POLR3A: variants seen among roughly 807,000 people sequenced by gnomAD.
POLR3A encodes RNA polymerase III subunit A, also known as DNA-directed RNA polymerase III subunit RPC1.
POLR3A carries 112 observed loss-of-function variants against 152.8 expected under a neutral mutation model. The ratio of observed to expected loss-of-function variants is 0.73; its 90% CI spans 0.63 to 0.86. The LOEUF is 0.86. Among genes scored for constraint, POLR3A ranks in the 40% least tolerant of loss-of-function variants. The pLI is 0.00. For synonymous variants in POLR3A, 615 were observed against 652.1 expected (o/e 0.94, Z 0.87); for missense variants, 1,385 against 1,743.1 (o/e 0.79, Z 3.66).
chr10:77,980,310 A>G (rs768918705), intron 29 of POLR3A, 37 bp from the exon 30 acceptor site: 1 of 1,610,686 alleles, frequency 6.2e-7, no homozygotes, highest in East Asian at 2.2e-5. Flanking sequence ...TGGTACTCAC[A>G]CCAATGGCAA....
At chr10:77,986,293 C>A in intron 21 of POLR3A, 134 bp from the exon 22 acceptor site, 2 of 711,614 alleles carry the variant, frequency 2.8e-6, no homozygotes, top group South Asian at 1.5e-5. Flanking sequence ...GTATAAAGGA[C>A]CCAATCTGGA....
In POLR3A at chr10:77,977,413, C is replaced by CT. The variant is rs1012335882; in HGVS notation, c.*64dup. 46 of 1,574,416 alleles carry CT rather than the reference C, an allele frequency of 2.9e-5. No individual in the cohort carries two copies. The Admixed American group carries it at 7.5e-4, about 26-fold the overall frequency. Reference sequence around the variant, plus strand: ...CCCCCGTCCCAGGGAGCACAAAACTCTTTATACATCAGCTGGAGACAGGAC... The same window carrying CT: ...CCCCCGTCCCAGGGAGCACAAAACTCTTTTATACATCAGCTGGAGACAGGAC... On this transcript the variant is annotated 3_prime_UTR_variant, in exon 31 of 31. Transcript: ENST00000372371.
intron 24 of POLR3A, among the ~76,000 whole-genome samples, 190 bp from the exon 25 acceptor site, chr10:77,984,488 C>T (rs1223121210): frequency 2.0e-5 from 3 of 152,144 alleles, no homozygotes; most frequent in Admixed American, 6.5e-5. Flanking sequence ...GGACTACAGG[C>T]GCTCGCCACC....
At chr10:78,009,823 A>G (rs761748325) in intron 13 of POLR3A, 41 bp downstream of exon 13, 24 of 1,612,036 alleles carry the variant, frequency 1.5e-5, no homozygotes, top group Non-Finnish European at 1.9e-5. Context: ...CCACAGACAC[A>G]TACACACACC....
At chr10:77,996,923 G>A (rs1273222601) in intron 19 of POLR3A, among the ~76,000 whole-genome samples, 1 of 152,086 alleles carries the variant, frequency 6.6e-6, no homozygotes, top group Non-Finnish European at 1.5e-5. Flanking sequence ...ATAAAATACT[G>A]GCAAACCGAA....
intron 15 of POLR3A, among the ~76,000 whole-genome samples, chr10:78,007,012 C>A (rs977550213): frequency 6.6e-6 from 1 of 151,786 alleles, no homozygotes; most frequent in Non-Finnish European, 1.5e-5. Context: ...CGAGAGGCTG[C>A]GTGAGCCAAG....
rs762615091 is a variant in POLR3A, at chr10:77,985,888, C to T, written c.3071+15G>A. The T allele has an allele frequency of 1.2e-5, 19 of 1,605,352 alleles. No individual in the cohort carries two copies. Among genetic ancestry groups the T allele is most frequent in the Non-Finnish European group, 1.5e-5 (18 of 1,172,146 alleles). On this transcript the variant is annotated intron_variant, in intron 23 of 30. Transcript: ENST00000372371. Reference sequence around the variant, plus strand: ...TATGTGGATGACCGTCAGTCCAAGACAAAAGCATCCCTACCTCATGTACTT... The same window carrying T: ...TATGTGGATGACCGTCAGTCCAAGATAAAAGCATCCCTACCTCATGTACTT...
In POLR3A at chr10:77,982,970, T is replaced by C. The variant is rs145916968; in HGVS notation, c.3430-153A>G. Among the ~76,000 whole-genome samples the C allele has an allele frequency of 9.5e-4, 145 of 152,320 alleles. 2 individuals are homozygous for C. In the East Asian group the frequency reaches 0.018, roughly 18 times the overall value. The stretch of plus-strand genomic sequence containing the variant: ...AATACCATAAATATGCTACATATGT[T>C]TTATGTACTATATGTGTATATATAT... On this transcript the variant is annotated intron_variant, in intron 26 of 30. Coordinates refer to ENST00000372371, the MANE Select transcript of POLR3A (RefSeq NM_007055.4).
intron 30 of POLR3A, among the ~76,000 whole-genome samples, chr10:77,978,079 G>A (rs570072788): frequency 2.0e-5 from 3 of 152,290 alleles, no homozygotes; most frequent in East Asian, 3.9e-4. Context: ...TGGAAACTGC[G>A]GTAGGCAGCT....
chr10:78,004,591 C>A (rs552933366), intron 16 of POLR3A, 125 bp downstream of exon 16: 2 of 770,530 alleles, frequency 2.6e-6, no homozygotes, highest in Admixed American at 4.0e-5. Context: ...ACAGGACAGA[C>A]GCCAATGCCT....
intron 14 of POLR3A, among the ~76,000 whole-genome samples, chr10:78,008,397 A>G (rs1589312922): frequency 6.6e-6 from 1 of 152,352 alleles, no homozygotes; most frequent in East Asian, 1.9e-4. Context: ...AATAAATCTG[A>G]GGAGTATCAG....
Position 77,999,103 on chromosome 10 carries a change from A to G in POLR3A, c.2616+878T>C, listed in dbSNP as rs1351595707. Reference sequence around the variant, plus strand: ...ACTCATAGGTGGAAATTGAACAATGAGAACACATGGACACAGGAAGGGGAA... The same window carrying G: ...ACTCATAGGTGGAAATTGAACAATGGGAACACATGGACACAGGAAGGGGAA... On this transcript the variant is annotated intron_variant, in intron 19 of 30. Transcript: ENST00000372371. Among the ~76,000 whole-genome samples, 3 of 152,178 alleles carry G rather than the reference A, an allele frequency of 2.0e-5. No individual in the cohort carries two copies. In the East Asian group the frequency reaches 5.8e-4, roughly 29 times the overall value.
chr10:77,984,259 G>A lies in POLR3A; in HGVS notation c.3282C>T (p.Asp1094=), dbSNP rs557203539. 4.6e-5 allele frequency: 74 copies of A among 1,613,066 alleles called. No individual in the cohort carries two copies. The highest frequency in any genetic ancestry group is 9.9e-5 in the South Asian group (9 of 91,054). ...IITAQLDKDD[D]ADYARLVKGR... ...CTTTCACGAGGCGAGCATAATCCGCGTCGTCATCCTTGTCTAGCTGTGCTG... is the reference window on the plus strand; with the variant it reads ...CTTTCACGAGGCGAGCATAATCCGCATCGTCATCCTTGTCTAGCTGTGCTG... The change falls in exon 25 of 31, where the codon GAC becomes GAT. Residue 1094 remains aspartate (D), a synonymous_variant. Transcript: ENST00000372371.
chr10:77,984,150 T>C, intron 25 of POLR3A, 55 bp downstream of exon 25: 1 of 1,325,528 alleles, frequency 7.5e-7, no homozygotes, highest in Non-Finnish European at 1.1e-6. Flanking sequence ...TTTTTACACT[T>C]CCTTGCAACA....
intron 8 of POLR3A, among the ~76,000 whole-genome samples, chr10:78,021,023 A>G (rs1352852709): frequency 6.6e-6 from 1 of 152,100 alleles, no homozygotes; most frequent in African/African-American, 2.4e-5. Flanking sequence ...GCTAGAGTGC[A>G]TTGACGTGAT....
rs1589303068 is a variant in POLR3A, at chr10:77,982,645, T to C, written c.3594+8A>G. ...CTGGGTCTCCATGAGAAGCGACTTCTGTTTCACCTTGGGGAGATCCTCTTT... is the reference window on the plus strand; with the variant it reads ...CTGGGTCTCCATGAGAAGCGACTTCCGTTTCACCTTGGGGAGATCCTCTTT... On this transcript the variant is annotated splice_region_variant and intron_variant, in intron 27 of 30. Transcript: ENST00000372371. 6 of 1,612,444 alleles carry C rather than the reference T, an allele frequency of 3.7e-6. No individual in the cohort carries two copies. Among genetic ancestry groups the C allele is most frequent in the Non-Finnish European group, 5.1e-6 (6 of 1,179,778 alleles).
chr10:77,987,227 T>A (rs973631717), intron 21 of POLR3A, among the ~76,000 whole-genome samples: 2 of 152,272 alleles, frequency 1.3e-5, no homozygotes, highest in East Asian at 3.9e-4. Flanking sequence ...GCCATTATCC[T>A]GCCATCCCGG....
chr10:77,988,690 T>C (rs1847220223), intron 21 of POLR3A, among the ~76,000 whole-genome samples: 1 of 152,202 alleles, frequency 6.6e-6, no homozygotes, highest in African/African-American at 2.4e-5. Flanking sequence ...TCTTCTGGCA[T>C]GGCTCTAACA....
chr10:78,012,377 A>AAAC lies in POLR3A; in HGVS notation c.1572+1272_1572+1273insGTT, dbSNP rs560186416. Among the ~76,000 whole-genome samples, 115 of 144,780 alleles carry AAAC rather than the reference A, an allele frequency of 7.9e-4. 1 individual carries two copies. In the East Asian group the frequency reaches 0.015, roughly 19 times the overall value. The allele number at this position is 144,780 out of a possible 152,430, so 95.0% of individuals were successfully genotyped here. ...AAAACTCCGTCTCAAACAAACAAAC[A>AAAC]AAAAAAAAAAGAAAAAGAAAAAGAA... On this transcript the variant is annotated intron_variant, in intron 11 of 30. Coordinates refer to ENST00000372371, the MANE Select transcript of POLR3A (RefSeq NM_007055.4).
Sources: allele counts gnomAD v4.1 joint callset (sites outside exome capture counted in the v4.1 genomes callset), GRCh38; gene constraint gnomAD v4.1.1; transcripts MANE v1.5; gene names NCBI Gene and HGNC (gene_info 2026-07-23, HGNC 2026-07-21).